PTCSC3: variants seen among roughly 807,000 people sequenced by gnomAD.
The protein encoded by PTCSC3 is papillary thyroid carcinoma susceptibility candidate 3 (non-protein coding).
At chr14:36,142,240 G>C (rs184757039) in intron 3 of PTCSC3, among the ~76,000 whole-genome samples, 244 of 152,056 alleles carry the variant, frequency 1.6e-3, no homozygotes, top group African/African-American at 5.5e-3. Context: ...AATAAATGTT[G>C]GATTTTTCAA....
At chr14:36,152,799 C>G (rs1266440330) in intron 3 of PTCSC3, among the ~76,000 whole-genome samples, 1 of 151,542 alleles carries the variant, frequency 6.6e-6, no homozygotes, top group Non-Finnish European at 1.5e-5. Flanking sequence ...GAGGCTGAGG[C>G]AGGAGAATTG....
chr14:36,150,280 C>T lies in PTCSC3; in HGVS notation n.322+3524G>A, dbSNP rs572569044. Among the ~76,000 whole-genome samples, 8 of 152,202 alleles carry T rather than the reference C, an allele frequency of 5.3e-5. No individual in the cohort carries two copies. In the South Asian group the frequency reaches 1.7e-3, roughly 32 times the overall value. On this transcript the variant is annotated intron_variant and non_coding_transcript_variant, in intron 3 of 3. Transcript: ENST00000556013. ...TGTTGAGTTATGAGGGTAGAGCCCT[C>T]ATGAATGGTATTATTGCCTTTATAA... is the stretch of plus-strand genomic sequence containing the variant.
chr14:36,163,753 G>A (rs918583430), intron 1 of PTCSC3, among the ~76,000 whole-genome samples: 15 of 152,116 alleles, frequency 9.9e-5, no homozygotes, highest in Admixed American at 2.0e-4. Context: ...AGAACGGCAC[G>A]AATCCTCCTT....
chr14:36,162,265 A>AAAAAC (rs1238418344), intron 2 of PTCSC3, among the ~76,000 whole-genome samples: 10 of 46,100 alleles, frequency 2.2e-4, no homozygotes, highest in Admixed American at 3.7e-4. Flanking sequence ...ATGGAAAAAA[A>AAAAAC]AAAAAAAAAA....
intron 1 of PTCSC3, among the ~76,000 whole-genome samples, chr14:36,175,400 G>A (rs1488688088): frequency 6.6e-6 from 1 of 152,092 alleles, no homozygotes. Flanking sequence ...ATCCCATTAT[G>A]GTTAGAGATG....
At chr14:36,163,328 CCAAGGTA>C (rs888391593) in intron 1 of PTCSC3, among the ~76,000 whole-genome samples, 9 of 151,982 alleles carry the variant, frequency 5.9e-5, no homozygotes, top group African/African-American at 1.9e-4. Context: ...CTGCACTCCC[CCAAGGTA>C]CAATATTTTT....
At chr14:36,174,798 G>A (rs2139116131) in intron 1 of PTCSC3, among the ~76,000 whole-genome samples, 1 of 152,192 alleles carries the variant, frequency 6.6e-6, no homozygotes, top group Admixed American at 6.5e-5. Context: ...CTTTCTCAAG[G>A]GGCATATTCC....
intron 1 of PTCSC3, among the ~76,000 whole-genome samples, chr14:36,173,305 T>C (rs1490407771): frequency 6.6e-6 from 1 of 152,100 alleles, no homozygotes; most frequent in Non-Finnish European, 1.5e-5. Flanking sequence ...ACTCTACACA[T>C]ATTAGATGAG....
chr14:36,137,087 T>C (rs541137116), intron 3 of PTCSC3, among the ~76,000 whole-genome samples: 1 of 152,188 alleles, frequency 6.6e-6, no homozygotes, highest in South Asian at 2.1e-4. Flanking sequence ...AGAAAATGGA[T>C]GGTGCTATTT....
chr14:36,151,913 C>T (rs1450934444), intron 3 of PTCSC3, among the ~76,000 whole-genome samples: 1 of 152,190 alleles, frequency 6.6e-6, no homozygotes, highest in African/African-American at 2.4e-5. Context: ...CAGATGTTCA[C>T]TGTGATAAAC....
Position 36,150,588 on chromosome 14 carries a change from C to CTA in PTCSC3, n.322+3214_322+3215dup, listed in dbSNP as rs571023866. ...TACCTGCCACATTTTAAATTGTTTT[C>CTA]TATTTGTTTCACTTTTGAAAAATCT... On this transcript the variant is annotated intron_variant and non_coding_transcript_variant, in intron 3 of 3. Transcript: ENST00000556013. Among the ~76,000 whole-genome samples the CTA allele has an allele frequency of 4.5e-4, 69 of 152,256 alleles. No homozygotes were observed. The Middle Eastern group carries it at 0.01, about 23-fold the overall frequency.
chr14:36,175,473 G>T (rs1427003420), intron 1 of PTCSC3, among the ~76,000 whole-genome samples: 1 of 152,178 alleles, frequency 6.6e-6, no homozygotes, highest in Non-Finnish European at 1.5e-5. Context: ...ACGTTGGGAA[G>T]AACATAAGAA....
chr14:36,142,936 C>T (rs1881461343), intron 3 of PTCSC3, among the ~76,000 whole-genome samples: 2 of 151,728 alleles, frequency 1.3e-5, no homozygotes, highest in Non-Finnish European at 2.9e-5. Context: ...CGATAGTTTA[C>T]TGAGAATGAT....
At chr14:36,162,501 G>C (rs1444078542) in intron 2 of PTCSC3, 1 of 152,260 alleles carries the variant, frequency 6.6e-6, no homozygotes, top group South Asian at 2.1e-4. Context: ...GACCCCGTGC[G>C]CTTCCTGGGT....
chr14:36,163,937 C>T (rs1882031022), intron 1 of PTCSC3, among the ~76,000 whole-genome samples: 1 of 152,058 alleles, frequency 6.6e-6, no homozygotes, highest in Non-Finnish European at 1.5e-5. Context: ...TTGTGAATAG[C>T]TGGGAAGACA....
chr14:36,138,642 A>G (rs10132115), intron 3 of PTCSC3, among the ~76,000 whole-genome samples: 16,293 of 152,274 alleles, frequency 0.11, 1,044 homozygotes, highest in Middle Eastern at 0.2. Context: ...CATACCCACT[A>G]GAATGGCTAA....
At chr14:36,173,367 A>C (rs1349032644) in intron 1 of PTCSC3, among the ~76,000 whole-genome samples, 1 of 152,192 alleles carries the variant, frequency 6.6e-6, no homozygotes, top group African/African-American at 2.4e-5. Flanking sequence ...GTAACTCTGA[A>C]TCATAGCCCT....
intron 3 of PTCSC3, among the ~76,000 whole-genome samples, chr14:36,137,642 T>C (rs1828438145): frequency 1.3e-5 from 2 of 152,148 alleles, no homozygotes; most frequent in Admixed American, 1.3e-4. Flanking sequence ...ATTGGATATA[T>C]TCTGTGAGAA....
At chr14:36,175,857 T>A (rs1882272441) in intron 1 of PTCSC3, among the ~76,000 whole-genome samples, 1 of 152,236 alleles carries the variant, frequency 6.6e-6, no homozygotes, top group Admixed American at 6.5e-5. Context: ...ACATGATTGT[T>A]GTGGTTTTCT....
Sources: allele counts gnomAD v4.1 joint callset (sites outside exome capture counted in the v4.1 genomes callset), GRCh38; gene constraint gnomAD v4.1.1; transcripts MANE v1.5; gene names NCBI Gene and HGNC (gene_info 2026-07-23, HGNC 2026-07-21).